The following SHROOM2 variants were observed in gnomAD, a reference collection of about 807,000 sequenced individuals.
SHROOM2 encodes protein Shroom2.
In SHROOM2, 33 loss-of-function variants were observed where a neutral mutation model predicts 75.9. The observed-to-expected ratio is 0.43, with a 90% CI of 0.33 to 0.58. The LOEUF is 0.58. Ranked by LOEUF, SHROOM2 falls within the 20% of genes least tolerant of loss-of-function variation. The pLI, the probability that SHROOM2 is intolerant of heterozygous loss-of-function variation, is 0.04. For synonymous variants in SHROOM2, 655 were observed against 663.6 expected (o/e 0.99, Z 0.20); for missense variants, 1,434 against 1,461.2 (o/e 0.98, Z 0.30).
chrX:9,792,104 T>A (rs1251743292), intron 1 of SHROOM2, among the ~76,000 whole-genome samples: 7 of 17,387 alleles, frequency 4.0e-4, no homozygotes, highest in Admixed American at 1.1e-3. Flanking sequence ...TAGAATAGAA[T>A]AGAATAGAAT....
At chrX:9,855,340 G>A (rs1344643489) in intron 1 of SHROOM2, among the ~76,000 whole-genome samples, 1 of 95,016 alleles carries the variant, frequency 1.1e-5, no homozygotes, top group East Asian at 3.5e-4. Flanking sequence ...ATCATATCTT[G>A]GCACCCTCGA....
intron 5 of SHROOM2, among the ~76,000 whole-genome samples, chrX:9,927,892 C>T (rs2147049437): frequency 9.0e-6 from 1 of 110,900 alleles, no homozygotes; most frequent in African/African-American, 3.3e-5. Flanking sequence ...GAGCTGAGGG[C>T]TGTGTGGAGG....
intron 1 of SHROOM2, among the ~76,000 whole-genome samples, chrX:9,866,987 C>A (rs2084143150): frequency 9.1e-6 from 1 of 110,402 alleles, no homozygotes; most frequent in Non-Finnish European, 1.9e-5. Flanking sequence ...CAGAGGGTCA[C>A]ATCCCCCTCA....
intron 3 of SHROOM2, among the ~76,000 whole-genome samples, chrX:9,892,079 C>T (rs1217542190): frequency 9.3e-6 from 1 of 108,088 alleles, no homozygotes; most frequent in Non-Finnish European, 1.9e-5. Flanking sequence ...CAGCAAGACC[C>T]CATCTCTATT....
chrX:9,795,834 A>G (rs144907380), intron 1 of SHROOM2, among the ~76,000 whole-genome samples: 335 of 110,177 alleles, frequency 3.0e-3, no homozygotes, highest in African/African-American at 0.011. Context: ...AGTAATGGGA[A>G]GTCTGCCAGT....
At chrX:9,904,258 G>GT (rs1397429675) in intron 5 of SHROOM2, among the ~76,000 whole-genome samples, 1 of 111,857 alleles carries the variant, frequency 8.9e-6, no homozygotes, top group Non-Finnish European at 1.9e-5. Flanking sequence ...AGTGGCACGT[G>GT]TCTCTAATCC....
intron 1 of SHROOM2, chrX:9,818,928 T>C: frequency 1.8e-6 from 1 of 559,315 alleles, no homozygotes; most frequent in Non-Finnish European, 3.2e-6. Context: ...CATCCTCCTC[T>C]TCTTCCACTG....
At chrX:9,907,306 C>T (rs1440803208) in intron 5 of SHROOM2, among the ~76,000 whole-genome samples, 5 of 110,679 alleles carry the variant, frequency 4.5e-5, no homozygotes, top group South Asian at 3.8e-4. Flanking sequence ...GAACTGGAGC[C>T]GGTGTAACAC....
At chrX:9,921,214 G>A in intron 5 of SHROOM2, among the ~76,000 whole-genome samples, 1 of 112,030 alleles carries the variant, frequency 8.9e-6, no homozygotes, top group African/African-American at 3.2e-5. Context: ...CCTCGGGAGA[G>A]AGGAAGGAGG....
In SHROOM2 at chrX:9,937,591, G is replaced by A; in HGVS notation, c.4045G>A (p.Gly1349Ser). Residue 1349 changes from glycine to serine, a missense_variant, in exon 7 of 10, where the codon GGC (glycine) becomes AGC (serine). By Grantham distance (56) the Gly-to-Ser change is moderately conservative. Coordinates refer to ENST00000380913, the MANE Select transcript of SHROOM2 (RefSeq NM_001649.4). ...KIKTTMDLME[G>S]IFPKDEHLLE... ...CAAAACCACTATGGACTTGATGGAA[G>A]GCATCTTCCCCAAAGACGAGCACCT... 1.7e-6 allele frequency: 2 copies of A among 1,211,586 alleles called. No individual in the cohort carries two copies. The highest frequency in any genetic ancestry group is 3.0e-5 in the East Asian group (1 of 33,834).
chrX:9,792,161 A>AATAGAATAGAATAGAATAGAAT lies in SHROOM2; in HGVS notation c.165+5451_165+5452insATAGAATAGAATAGAATAGAAT, dbSNP rs1491434689. Among the ~76,000 whole-genome samples the AATAGAATAGAATAGAATAGAAT allele has an allele frequency of 3.0e-5, 3 of 99,803 alleles. 1 individual carries two copies. The highest frequency in any genetic ancestry group is 6.1e-5 in the Non-Finnish European group (3 of 49,151). 86.7% of individuals were successfully genotyped at this position (99,803 alleles called of 115,157 possible). On this transcript the variant is annotated intron_variant, in intron 1 of 9. Coordinates refer to ENST00000380913, the MANE Select transcript of SHROOM2 (RefSeq NM_001649.4). ...GAATAGAATAGAATAGAATAGAATA[A>AATAGAATAGAATAGAATAGAAT]TCACCAGTATCTGATACAGGGAGGG...
intron 1 of SHROOM2, among the ~76,000 whole-genome samples, chrX:9,803,240 G>T (rs2083734090): frequency 9.1e-6 from 1 of 109,904 alleles, no homozygotes; most frequent in Non-Finnish European, 1.9e-5. Flanking sequence ...ACCCCTGGTA[G>T]CATCCCAGCT....
At chrX:9,826,919 T>C (rs2083890318) in intron 1 of SHROOM2, among the ~76,000 whole-genome samples, 1 of 112,716 alleles carries the variant, frequency 8.9e-6, no homozygotes, top group African/African-American at 3.2e-5. Context: ...ATGTTGAGTC[T>C]TTGGGCCTCT....
intron 1 of SHROOM2, among the ~76,000 whole-genome samples, chrX:9,848,775 G>T (rs73474506): frequency 0.22 from 24,023 of 110,184 alleles, 4,056 homozygotes; most frequent in African/African-American, 0.56. Context: ...ATGGGGACAT[G>T]CAGGTGTATC....
chrX:9,840,452 C>T (rs917926068), intron 1 of SHROOM2, among the ~76,000 whole-genome samples: 26 of 110,799 alleles, frequency 2.3e-4, no homozygotes, highest in African/African-American at 7.2e-4. Flanking sequence ...ATTTTGTTGT[C>T]GAGACGGAGT....
At chrX:9,823,158 T>G (rs532745694) in intron 1 of SHROOM2, among the ~76,000 whole-genome samples, 1 of 37,907 alleles carries the variant, frequency 2.6e-5, no homozygotes, top group Admixed American at 4.2e-4. Context: ...TCTTCCTTCT[T>G]CTTCTTTTCT....
intron 6 of SHROOM2, 28 bp from the exon 7 acceptor site, chrX:9,937,106 C>A (rs775238535): frequency 9.5e-6 from 11 of 1,154,894 alleles, no homozygotes; most frequent in South Asian, 2.0e-5. Flanking sequence ...GCATGCTTTG[C>A]GATTTCAGCA....
chrX:9,807,609 C>T (rs762391573), intron 1 of SHROOM2, among the ~76,000 whole-genome samples: 135 of 112,486 alleles, frequency 1.2e-3, no homozygotes, highest in African/African-American at 4.2e-3. Context: ...CTGCATGCTG[C>T]CTGCTGGTCT....
chrX:9,828,464 C>CTTCTTA (rs2083899518), intron 1 of SHROOM2, among the ~76,000 whole-genome samples: 1 of 111,237 alleles, frequency 9.0e-6, no homozygotes, highest in South Asian at 3.8e-4. Flanking sequence ...TATTGTTCTT[C>CTTCTTA]TTCTTATTAT....
Sources: gnomAD v4.1 joint callset for allele counts (sites outside exome capture counted in the v4.1 genomes callset) on GRCh38, gnomAD v4.1.1 for gene constraint, MANE v1.5 for transcripts, NCBI Gene and HGNC (gene_info 2026-07-23, HGNC 2026-07-21) for gene names.